Variants in OTOGL observed in about 807,000 individuals in gnomAD.
The protein encoded by OTOGL is otogelin-like protein.
OTOGL carries 285 observed loss-of-function variants against 318.5 expected under a neutral mutation model. The ratio of observed to expected loss-of-function variants is 0.89; its 90% CI spans 0.81 to 0.99. The LOEUF is 0.99. Among genes scored for constraint, OTOGL ranks in the 50% least tolerant of loss-of-function variants. The pLI, the probability that OTOGL is intolerant of heterozygous loss-of-function variation, is 0.00. For synonymous variants in OTOGL, 987 were observed against 936.5 expected, an observed-to-expected ratio of 1.05 and a Z score of -0.99; for missense variants, 2,899 against 2,845.6, an observed-to-expected ratio of 1.02 and a Z score of -0.43.
chr12:80,367,869 T>C, intron 54 of OTOGL, 130 bp downstream of exon 54: 1 of 642,142 alleles, frequency 1.6e-6, no homozygotes, highest in Non-Finnish European at 2.4e-6. Context: ...TAGTCTACTA[T>C]TTTGTAATAT....
At chr12:80,254,433 A>G in intron 14 of OTOGL, 91 bp from the exon 15 acceptor site, 1 of 821,558 alleles carries the variant, frequency 1.2e-6, no homozygotes, top group South Asian at 2.3e-5. Context: ...TATAAACATG[A>G]TATATTTTGG....
intron 1 of OTOGL, among the ~76,000 whole-genome samples, chr12:80,153,284 G>T (rs1872904037): frequency 6.6e-6 from 1 of 152,144 alleles, no homozygotes; most frequent in Non-Finnish European, 1.5e-5. Flanking sequence ...TCAGATGGTG[G>T]AAGGAGCAAG....
chr12:80,260,023 G>A (rs937835420), intron 18 of OTOGL, among the ~76,000 whole-genome samples: 1 of 151,948 alleles, frequency 6.6e-6, no homozygotes, highest in African/African-American at 2.4e-5. Context: ...CTGGTTTCTT[G>A]TCTTGTTTAT....
At chr12:80,166,836 GATAA>G (rs1376429000) in intron 1 of OTOGL, among the ~76,000 whole-genome samples, 9 of 152,088 alleles carry the variant, frequency 5.9e-5, no homozygotes, top group South Asian at 2.1e-4. Context: ...TACATGGTGA[GATAA>G]ATAAAGCACG....
At chr12:80,123,647 C>T (rs1457156824) in intron 1 of OTOGL, among the ~76,000 whole-genome samples, 1 of 152,104 alleles carries the variant, frequency 6.6e-6, no homozygotes, top group Non-Finnish European at 1.5e-5. Flanking sequence ...AGTTTATAGT[C>T]CCACCAACAG....
intron 1 of OTOGL, among the ~76,000 whole-genome samples, chr12:80,164,002 A>G (rs150734617): frequency 6.6e-6 from 1 of 152,262 alleles, no homozygotes; most frequent in African/African-American, 2.4e-5. Context: ...CAAATGATGA[A>G]AGATGGGGAC....
intron 26 of OTOGL, among the ~76,000 whole-genome samples, chr12:80,287,105 C>T (rs1286386606): frequency 6.7e-6 from 1 of 149,954 alleles, no homozygotes; most frequent in Non-Finnish European, 1.5e-5. Flanking sequence ...TGTCTTTGTT[C>T]TCACTGGTTT....
In OTOGL at chr12:80,372,137, T is replaced by C. The variant is rs1361566996; in HGVS notation, c.6781+73T>C. The C allele has an allele frequency of 2.4e-5, 26 of 1,071,400 alleles. 1 individual carries two copies. Among genetic ancestry groups the C allele is most frequent in the Non-Finnish European group, 3.2e-5 (25 of 781,152 alleles). The allele number at this position is 1,071,400 out of a possible 1,614,324, so 66.4% of individuals were successfully genotyped here. A position where few individuals can be genotyped will look rare whatever the true frequency, so the allele number is the denominator to read the frequency against. On this transcript the variant is annotated intron_variant, in intron 57 of 58. Transcript: ENST00000547103. The stretch of plus-strand genomic sequence containing the variant: ...TTGCTCATAGTGATTATGGTTTTTC[T>C]CACAAAATTCAATTCCTATGATGCA...
Position 80,380,735 on chromosome 12 carries a change from A to AT in OTOGL, c.*2692dup, listed in dbSNP as rs1891403280. 1 of 152,130 alleles carries AT rather than the reference A, an allele frequency of 6.6e-6. No individual in the cohort carries two copies. The highest frequency in any genetic ancestry group is 2.4e-5 in the African/African-American group (1 of 41,442). The allele number at this position is 152,130 out of a possible 1,614,324, so 9.4% of individuals were successfully genotyped here. On this transcript the variant is annotated 3_prime_UTR_variant, in exon 59 of 59. Coordinates refer to ENST00000547103, the MANE Select transcript of OTOGL (RefSeq NM_001378609.3). ...GAAATGTATACTAATATTAGAAGTG[A>AT]TTTTTGGTTTGACCAAACTGCCTAG...
At position 80,333,043 on chromosome 12, in the gene OTOGL, G is replaced by A. The variant is rs778276805; in HGVS notation, c.4387G>A (p.Asp1463Asn). The stretch of plus-strand genomic sequence containing the variant: ...TACTCCATCAGACATCACTGTGTTT[G>A]ATATGCTAACACCAACTACAGGCTT... ...MITPSDITVF[D>N]MLTPTTGLEC... Residue 1463 changes from aspartate (D) to asparagine (N), a missense_variant, in exon 38 of 59, where the codon GAT becomes AAT. Physicochemically the swap from Asp to Asn is conservative, Grantham distance 23. This residue lies in a region of OTOGL where 2,607 missense variants were observed against 2,524.9 expected (regional missense o/e 1.03). Transcript: ENST00000547103. 1 of 1,602,782 alleles carries A rather than the reference G, an allele frequency of 6.2e-7. No homozygotes were observed. The highest frequency in any genetic ancestry group is 8.5e-7 in the Non-Finnish European group (1 of 1,173,814).
chr12:80,144,420 G>A (rs1872186596), intron 1 of OTOGL, among the ~76,000 whole-genome samples: 2 of 150,676 alleles, frequency 1.3e-5, no homozygotes, highest in South Asian at 4.2e-4. Context: ...ATTCCGTGGT[G>A]TATATGTGCC....
chr12:80,328,932 C>T, intron 36 of OTOGL, 119 bp from the exon 37 acceptor site: 1 of 1,063,902 alleles, frequency 9.4e-7, no homozygotes. Flanking sequence ...CCACTAACAT[C>T]TCTCCTGCAT....
rs1877066816 is a variant in OTOGL, at chr12:80,209,423, T to C, written c.-9T>C. The C allele has an allele frequency of 6.8e-7, 1 of 1,475,666 alleles. No homozygotes were observed. Among genetic ancestry groups the C allele is most frequent in the Non-Finnish European group, 9.0e-7 (1 of 1,109,446 alleles). The allele number at this position is 1,475,666 out of a possible 1,614,324, so 91.4% of individuals were successfully genotyped here. A position where few individuals can be genotyped will look rare whatever the true frequency, so the allele number is the denominator to read the frequency against. ...TTGGTTACATTTCAGGGGGAAAGGC[T>C]ACACTGAAATGAACATTGTAAGAAA... On this transcript the variant is annotated 5_prime_UTR_variant, in exon 2 of 59. Coordinates refer to ENST00000547103, the MANE Select transcript of OTOGL (RefSeq NM_001378609.3).
intron 19 of OTOGL, 94 bp from the exon 20 acceptor site, chr12:80,264,907 C>A: frequency 2.4e-6 from 3 of 1,252,844 alleles, no homozygotes; most frequent in Admixed American, 1.8e-5. Flanking sequence ...AAGTAATATG[C>A]ACTACAGTGT....
intron 1 of OTOGL, among the ~76,000 whole-genome samples, chr12:80,102,230 C>T (rs564827696): frequency 5.9e-5 from 9 of 152,276 alleles, no homozygotes; most frequent in South Asian, 2.1e-4. Flanking sequence ...ATACTTGCTA[C>T]GATCTATCAA....
At chr12:80,188,109 A>G (rs1414802500) in intron 1 of OTOGL, among the ~76,000 whole-genome samples, 2 of 152,200 alleles carry the variant, frequency 1.3e-5, no homozygotes, top group African/African-American at 4.8e-5. Context: ...TTGAAGAGAT[A>G]GGATTGAATA....
At chr12:80,372,260 TG>T (rs1415907958) in intron 57 of OTOGL, among the ~76,000 whole-genome samples, 196 bp downstream of exon 57, 1 of 152,156 alleles carries the variant, frequency 6.6e-6, no homozygotes, top group Admixed American at 6.5e-5. Context: ...TAAAGGTTTT[TG>T]TATCATATGG....
chr12:80,110,847 G>C (rs950813348), intron 1 of OTOGL, among the ~76,000 whole-genome samples: 1 of 152,174 alleles, frequency 6.6e-6, no homozygotes, highest in African/African-American at 2.4e-5. Flanking sequence ...CACAATGGTT[G>C]AACTAATTTA....
chr12:80,126,333 C>T (rs1159829999), intron 1 of OTOGL, among the ~76,000 whole-genome samples: 1 of 152,044 alleles, frequency 6.6e-6, no homozygotes, highest in Non-Finnish European at 1.5e-5. Context: ...GTTCAGTTTC[C>T]ATGTAGTTGA....
Sources: gnomAD v4.1 joint callset for allele counts (sites outside exome capture counted in the v4.1 genomes callset) on GRCh38, gnomAD v4.1.1 for gene constraint, gnomAD v4.1.1 regional missense constraint, MANE v1.5 for transcripts, NCBI Gene and HGNC (gene_info 2026-07-23, HGNC 2026-07-21) for gene names.